RBM26: variants seen among roughly 807,000 people sequenced by gnomAD.
RBM26 encodes the protein RNA-binding protein 26.
A neutral mutation model predicts 123.6 loss-of-function variants in RBM26; 30 were observed. That is an observed-to-expected ratio of 0.24 (90% CI 0.18 to 0.33). The LOEUF is 0.33. RBM26 is among the 10% of genes least tolerant of loss of function. The pLI is 1.00. For missense variants in RBM26, 947 were observed against 1,203.6 expected (o/e 0.79, Z 3.15); for synonymous variants, 400 against 404.4 (o/e 0.99, Z 0.13).
chr13:79,397,472 G>T (rs748807711), intron 1 of RBM26, among the ~76,000 whole-genome samples: 2 of 151,498 alleles, frequency 1.3e-5, no homozygotes, highest in Admixed American at 1.3e-4. Flanking sequence ...TCAGGAGATC[G>T]AGACCATCCT....
chr13:79,368,906 C>T lies in RBM26; in HGVS notation c.719G>A (p.Ser240Asn), dbSNP rs1390710471. The change falls in exon 6 of 22, where the codon AGT becomes AAT. Residue 240 changes from serine to asparagine, a missense_variant. Transcript: ENST00000438737. ...NNYTPVSSVP[S>N]ISSGHYPVPT... ...TACAGGGTAGTGGCCAGATGAAATA[C>T]TAGGTACCGAAGAGACTGGAGTATA... 3.1e-6 allele frequency: 5 copies of T among 1,612,400 alleles called. No individual in the cohort carries two copies. The highest frequency in any genetic ancestry group is 1.1e-5 in the South Asian group (1 of 91,044).
At chr13:79,352,277 C>T (rs2073352809) in intron 14 of RBM26, among the ~76,000 whole-genome samples, 1 of 152,098 alleles carries the variant, frequency 6.6e-6, no homozygotes, top group Admixed American at 6.6e-5. Flanking sequence ...GAGCCATGGA[C>T]TAAAAATAGG....
chr13:79,353,581 A>G (rs2139484701), intron 13 of RBM26, among the ~76,000 whole-genome samples: 1 of 152,296 alleles, frequency 6.6e-6, no homozygotes, highest in East Asian at 1.9e-4. Flanking sequence ...CTTCTAAAGT[A>G]TGTTTATTTT....
intron 3 of RBM26, among the ~76,000 whole-genome samples, chr13:79,372,767 ATAT>A (rs1186946823): frequency 7.5e-5 from 7 of 93,122 alleles, no homozygotes; most frequent in Admixed American, 1.5e-4. Flanking sequence ...TATATATTTT[ATAT>A]TATATATAAT....
At chr13:79,378,061 C>CCTCT (rs1454669909) in intron 2 of RBM26, among the ~76,000 whole-genome samples, 3 of 152,206 alleles carry the variant, frequency 2.0e-5, no homozygotes, top group Non-Finnish European at 4.4e-5. Flanking sequence ...TGGTCGCAGC[C>CCTCT]CTCTGGGCTA....
At chr13:79,334,565 A>G in intron 19 of RBM26, 135 bp from the exon 20 acceptor site, 1 of 479,180 alleles carries the variant, frequency 2.1e-6, no homozygotes, top group Non-Finnish European at 3.7e-6. Flanking sequence ...GTTAACAGAA[A>G]AGTATGGTGA....
chr13:79,319,801 C>T lies in RBM26; in HGVS notation c.*820G>A. 1 of 977,712 alleles carries T rather than the reference C, an allele frequency of 1.0e-6. No individual in the cohort carries two copies. The highest frequency in any genetic ancestry group is 1.2e-6 in the Non-Finnish European group (1 of 823,392). The allele number at this position is 977,712 out of a possible 1,614,324, so 60.6% of individuals were successfully genotyped here. On this transcript the variant is annotated 3_prime_UTR_variant, in exon 22 of 22. Coordinates refer to ENST00000438737, the MANE Select transcript of RBM26 (RefSeq NM_001366735.2). ...ACATTATTGTAAGGGTACCAGTAACCATTATTATTAAGAATAAGTTAGTGA... is the reference window on the plus strand; with the variant it reads ...ACATTATTGTAAGGGTACCAGTAACTATTATTATTAAGAATAAGTTAGTGA...
rs188746498 is a variant in RBM26 at position 79,387,465 on chromosome 13, A to G, written c.72-8558T>C. ...GCACTGAACTGTACTCCAAAAAACA[A>G]TTTTCAGATTTCCAGTCTGGTGTTA... On this transcript the variant is annotated intron_variant, in intron 1 of 21. Coordinates refer to ENST00000438737, the MANE Select transcript of RBM26 (RefSeq NM_001366735.2). 3.5e-3 allele frequency among the ~76,000 whole-genome samples: 526 copies of G among 151,962 alleles called. 4 individuals carry two copies. Among genetic ancestry groups the G allele is most frequent in the African/African-American group, 0.012 (492 of 41,478 alleles).
chr13:79,318,773 G>C (rs970552473), downstream of RBM26: 1 of 983,076 alleles, frequency 1.0e-6, no homozygotes, highest in Non-Finnish European at 1.2e-6. Flanking sequence ...CCAAAAATCA[G>C]CATGGAGATT....
downstream of RBM26, among the ~76,000 whole-genome samples, chr13:79,315,544 G>A (rs1026036311): frequency 6.6e-6 from 1 of 151,800 alleles, no homozygotes; most frequent in Non-Finnish European, 1.5e-5. Context: ...ATCAGACAGT[G>A]CCTGGTATAC....
intron 8 of RBM26, 25 bp from the exon 9 acceptor site, chr13:79,365,743 A>G: frequency 6.3e-7 from 1 of 1,597,644 alleles, no homozygotes; most frequent in Non-Finnish European, 8.5e-7. Context: ...ACTGTAATTA[A>G]AAAACAATTA....
At chr13:79,329,910 G>A (rs2069030524) in intron 20 of RBM26, among the ~76,000 whole-genome samples, 1 of 152,080 alleles carries the variant, frequency 6.6e-6, no homozygotes, top group Non-Finnish European at 1.5e-5. Flanking sequence ...AATGAAAAAG[G>A]AAGGAATCAA....
In RBM26 at chr13:79,378,861, C is replaced by G; in HGVS notation, c.118G>C (p.Val40Leu). ...TCTTTTTCACTTTTGTCTTTCTTTACCAAAGCCAGAACATATTTTGCTAGG... is the reference window on the plus strand; with the variant it reads ...TCTTTTTCACTTTTGTCTTTCTTTAGCAAAGCCAGAACATATTTTGCTAGG... ...SALAKYVLAL[V>L]KKDKSEKELK... The change falls in exon 2 of 22, where the codon GTA (valine) becomes CTA (leucine). Residue 40 changes from valine to leucine, a missense_variant. Physicochemically the swap from Val to Leu is conservative, Grantham distance 32 (BLOSUM62 1). This residue lies in a region of RBM26 where 275 missense variants were observed against 361.0 expected (regional missense o/e 0.76). Transcript: ENST00000438737. 6.2e-7 allele frequency: 1 copy of G among 1,613,512 alleles called. No homozygotes were observed. The highest frequency in any genetic ancestry group is 1.1e-5 in the South Asian group (1 of 91,050).
chr13:79,405,428 G>C lies in RBM26; in HGVS notation c.71+276C>G, dbSNP rs188691333. Among the ~76,000 whole-genome samples the C allele has an allele frequency of 5.9e-4, 90 of 152,194 alleles. 1 individual carries two copies. In the Middle Eastern group the frequency reaches 0.01, roughly 17 times the overall value. Reference sequence around the variant, plus strand: ...GGTTTCACTAAAATAAACCGATTTTGAGGCCCCCGGAAAATATTGCGGGTG... The same window carrying C: ...GGTTTCACTAAAATAAACCGATTTTCAGGCCCCCGGAAAATATTGCGGGTG... On this transcript the variant is annotated intron_variant, in intron 1 of 21. Transcript: ENST00000438737.
chr13:79,379,681 T>C (rs151313075), intron 1 of RBM26, among the ~76,000 whole-genome samples: 1 of 150,834 alleles, frequency 6.6e-6, no homozygotes, highest in East Asian at 1.9e-4. Context: ...AAAAAAGTAA[T>C]GTGATTATAA....
At position 79,405,883 on chromosome 13, in the gene RBM26, G is replaced by A. The variant is rs967267189; in HGVS notation, c.-109C>T. On this transcript the variant is annotated 5_prime_UTR_variant, in exon 1 of 22. Coordinates refer to ENST00000438737, the MANE Select transcript of RBM26 (RefSeq NM_001366735.2). ...CCGCGCGCCGCCCGCGTGGGCCGCG[G>A]TGGGAGGCGCCGGTGGCAGGTTCCC... 1 of 535,082 alleles carries A rather than the reference G, an allele frequency of 1.9e-6. No individual in the cohort carries two copies. Among genetic ancestry groups the A allele is most frequent in the Non-Finnish European group, 2.8e-6 (1 of 352,440 alleles). The allele number at this position is 535,082 out of a possible 1,614,324, so 33.1% of individuals were successfully genotyped here.
intron 3 of RBM26, chr13:79,376,114 C>T (rs1363786728): frequency 6.6e-6 from 1 of 152,096 alleles, no homozygotes; most frequent in East Asian, 1.9e-4. Context: ...AAAATTTTAA[C>T]CAAGATATGT....
At chr13:79,370,922 G>A (rs767630949) in intron 5 of RBM26, 23 bp downstream of exon 5, 4 of 1,578,692 alleles carry the variant, frequency 2.5e-6, no homozygotes, top group East Asian at 4.5e-5. Context: ...TTCATAAAAA[G>A]ATAACCAAAA....
chr13:79,377,388 C>T lies in RBM26; in HGVS notation c.318G>A (p.Lys106=). 6.2e-7 allele frequency: 1 copy of T among 1,613,506 alleles called. No homozygotes were observed. Among genetic ancestry groups the T allele is most frequent in the East Asian group, 2.2e-5 (1 of 44,848 alleles). The change falls in exon 3 of 22, where the codon AAG becomes AAA. Residue 106 remains lysine (K), a synonymous_variant. Coordinates refer to ENST00000438737, the MANE Select transcript of RBM26 (RefSeq NM_001366735.2). ...EFFPHQEKDI[K]KEEITKEEER... is the part of the protein sequence containing the mutation. Reference sequence around the variant, plus strand: ...TAACACAAATCGTTACCTCTTCCTTCTTTATATCTTTTTCTTGGTGTGGAA... The same window carrying T: ...TAACACAAATCGTTACCTCTTCCTTTTTTATATCTTTTTCTTGGTGTGGAA...
Sources: gnomAD v4.1 joint callset for allele counts (sites outside exome capture counted in the v4.1 genomes callset) on GRCh38, gnomAD v4.1.1 for gene constraint, gnomAD v4.1.1 regional missense constraint, MANE v1.5 for transcripts, NCBI Gene and HGNC (gene_info 2026-07-23, HGNC 2026-07-21) for gene names.